Variants in SNTG1 observed in about 807,000 individuals in gnomAD.
SNTG1 encodes the protein syntrophin gamma 1, also known as gamma-1-syntrophin.
In SNTG1, 39 loss-of-function variants were observed where a neutral mutation model predicts 74.7. That is an observed-to-expected ratio of 0.52 (90% CI 0.40 to 0.68). The LOEUF (loss-of-function observed/expected upper bound fraction) is 0.68. SNTG1 is among the 30% of genes least tolerant of loss of function. SNTG1 has a pLI of 0.00. For synonymous variants in SNTG1, 254 were observed against 217.1 expected (o/e 1.17, Z -1.49); for missense variants, 685 against 609.5 (o/e 1.12, Z -1.30).
chr8:49,913,920 G>T (rs893690965), intron 1 of SNTG1, among the ~76,000 whole-genome samples: 1 of 152,144 alleles, frequency 6.6e-6, no homozygotes, highest in African/African-American at 2.4e-5. Flanking sequence ...AGGGGCAGAG[G>T]GGGCAGGCTT....
rs116124293 is a variant in SNTG1 at position 50,290,876 on chromosome 8, G to A, written c.-27-103336G>A. Among the ~76,000 whole-genome samples, 919 of 151,986 alleles carry A rather than the reference G, an allele frequency of 6.0e-3. 9 individuals carry two copies. Among genetic ancestry groups the A allele is most frequent in the African/African-American group, 0.021 (861 of 41,456 alleles). ...CCCAGGTTCAAGCAATTCTGCTTCAGCCCCCCAAGTAGCTGGGACTACAAG... is the reference window on the plus strand; with the variant it reads ...CCCAGGTTCAAGCAATTCTGCTTCAACCCCCCAAGTAGCTGGGACTACAAG... On this transcript the variant is annotated intron_variant, in intron 2 of 18. Transcript: ENST00000642720.
chr8:50,033,907 A>C (rs1554553850), intron 1 of SNTG1, among the ~76,000 whole-genome samples: 1 of 152,198 alleles, frequency 6.6e-6, no homozygotes, highest in Non-Finnish European at 1.5e-5. Context: ...GTGTTCTGTA[A>C]TCTCTTGAAC....
At chr8:50,151,966 G>A (rs1279238749) in intron 1 of SNTG1, among the ~76,000 whole-genome samples, 1 of 152,124 alleles carries the variant, frequency 6.6e-6, no homozygotes, top group Non-Finnish European at 1.5e-5. Context: ...GGATATCCTT[G>A]TTAACTTTCT....
At chr8:50,233,708 TA>T (rs1202470161) in intron 2 of SNTG1, among the ~76,000 whole-genome samples, 23 of 131,310 alleles carry the variant, frequency 1.8e-4, no homozygotes, top group African/African-American at 5.9e-4. Flanking sequence ...AACTTCACTT[TA>T]AAAAAACCCA....
chr8:50,328,191 C>T (rs1199898349), intron 2 of SNTG1, among the ~76,000 whole-genome samples: 1 of 152,122 alleles, frequency 6.6e-6, no homozygotes, highest in African/African-American at 2.4e-5. Flanking sequence ...TTAAGAACTT[C>T]TTTTAGCATA....
At chr8:50,279,882 C>T (rs1334568784) in intron 2 of SNTG1, among the ~76,000 whole-genome samples, 2 of 152,274 alleles carry the variant, frequency 1.3e-5, no homozygotes. Context: ...TCAATCAATG[C>T]CTTCCCCACT....
At position 50,794,384 on chromosome 8, in the gene SNTG1, A is replaced by G. The variant is rs961138179; in HGVS notation, c.*1555A>G. The G allele has an allele frequency of 1.3e-5, 2 of 151,966 alleles. No homozygotes were observed. The highest frequency in any genetic ancestry group is 2.4e-5 in the African/African-American group (1 of 41,418). The allele number at this position is 151,966 out of a possible 1,614,324, so 9.4% of individuals were successfully genotyped here. On this transcript the variant is annotated 3_prime_UTR_variant, in exon 19 of 19. Coordinates refer to ENST00000642720, the MANE Select transcript of SNTG1 (RefSeq NM_018967.5). ...ATTAATTTGTAAATACATCAAATTGAAAAGAAAAAGTGAGGGTTTATAATT... is the reference window on the plus strand; with the variant it reads ...ATTAATTTGTAAATACATCAAATTGGAAAGAAAAAGTGAGGGTTTATAATT...
chr8:50,067,608 A>AAT (rs1473583089), intron 1 of SNTG1, among the ~76,000 whole-genome samples: 2 of 152,162 alleles, frequency 1.3e-5, no homozygotes, highest in African/African-American at 4.8e-5. Flanking sequence ...TTCTTTTCAA[A>AAT]ATATAGTTAG....
intron 9 of SNTG1, among the ~76,000 whole-genome samples, chr8:50,527,663 G>A (rs1056848945): frequency 6.6e-6 from 1 of 151,904 alleles, no homozygotes; most frequent in Non-Finnish European, 1.5e-5. Flanking sequence ...TGACCTAGAA[G>A]AGGTTCTTCA....
intron 1 of SNTG1, among the ~76,000 whole-genome samples, chr8:50,123,495 C>A (rs2081057145): frequency 7.0e-6 from 1 of 142,278 alleles, no homozygotes; most frequent in Non-Finnish European, 1.6e-5. Flanking sequence ...ATAAAGAGAT[C>A]AGGCATTTAG....
In SNTG1 at chr8:50,118,709, C is replaced by T. The variant is rs1419171852; in HGVS notation, c.-102-53852C>T. Among the ~76,000 whole-genome samples, 6 of 142,184 alleles carry T rather than the reference C, an allele frequency of 4.2e-5. No homozygotes were observed. In the Admixed American group the frequency reaches 4.3e-4, roughly 10 times the overall value. 93.3% of individuals were successfully genotyped at this position (142,184 alleles called of 152,430 possible). ...CAAAGTATTATTTTCTTTTATTTTT[C>T]CTTTATAGTTTATAAAATTAAAGTG... On this transcript the variant is annotated intron_variant, in intron 1 of 18. Transcript: ENST00000642720.
intron 8 of SNTG1, among the ~76,000 whole-genome samples, chr8:50,501,274 G>A (rs1234618432): frequency 6.6e-6 from 1 of 151,860 alleles, no homozygotes; most frequent in African/African-American, 2.4e-5. Context: ...AAGGTATCCG[G>A]CCTCTGTGCT....
chr8:50,542,441 G>T (rs1036064205), intron 11 of SNTG1, among the ~76,000 whole-genome samples: 1 of 152,036 alleles, frequency 6.6e-6, no homozygotes, highest in Non-Finnish European at 1.5e-5. Context: ...AAAGGCATGA[G>T]CCACCGCACC....
At chr8:50,657,293 T>A (rs533735550) in intron 14 of SNTG1, among the ~76,000 whole-genome samples, 1 of 152,160 alleles carries the variant, frequency 6.6e-6, no homozygotes, top group Admixed American at 6.6e-5. Flanking sequence ...ATTACAAATC[T>A]CATGACGACA....
chr8:49,964,557 T>A (rs549159862), intron 1 of SNTG1, among the ~76,000 whole-genome samples: 3 of 152,216 alleles, frequency 2.0e-5, no homozygotes, highest in Non-Finnish European at 4.4e-5. Flanking sequence ...ATATACTCTA[T>A]CTGTTCTGTT....
chr8:50,768,857 C>T (rs1304984791), intron 18 of SNTG1, among the ~76,000 whole-genome samples: 3 of 151,972 alleles, frequency 2.0e-5, no homozygotes, highest in Admixed American at 2.0e-4. Context: ...ATTGAACTCA[C>T]ATTTGTGCAG....
Position 50,022,369 on chromosome 8 carries a change from G to A in SNTG1, c.-103+110138G>A, listed in dbSNP as rs529038877. 1.1e-3 allele frequency among the ~76,000 whole-genome samples: 169 copies of A among 152,286 alleles called. 1 individual carries two copies. The highest frequency in any genetic ancestry group is 3.7e-3 in the African/African-American group (155 of 41,562). On this transcript the variant is annotated intron_variant, in intron 1 of 18. Transcript: ENST00000642720. ...AGTGGAGAAGGATCCAGCAAGGCTT[G>A]AGAAGGCAGCTAGACTGGAGTCCGA...
At chr8:50,470,163 C>T (rs2093640449) in intron 8 of SNTG1, among the ~76,000 whole-genome samples, 3 of 152,146 alleles carry the variant, frequency 2.0e-5, no homozygotes, top group Non-Finnish European at 4.4e-5. Flanking sequence ...AATATAAATT[C>T]CCCCATTAAG....
At chr8:50,332,668 G>A (rs2130886550) in intron 2 of SNTG1, among the ~76,000 whole-genome samples, 1 of 152,212 alleles carries the variant, frequency 6.6e-6, no homozygotes, top group Admixed American at 6.5e-5. Flanking sequence ...AGGCATACAT[G>A]GCTCAGCTAC....
Sources: allele counts gnomAD v4.1 joint callset (sites outside exome capture counted in the v4.1 genomes callset), GRCh38; gene constraint gnomAD v4.1.1; transcripts MANE v1.5; gene names NCBI Gene and HGNC (gene_info 2026-07-23, HGNC 2026-07-21).